Variants in CDH5 observed in about 807,000 individuals in gnomAD.
CDH5 encodes the protein cadherin-5.
Under a neutral mutation model 62.0 loss-of-function variants are expected in CDH5, and 28 were observed. The ratio of observed to expected loss-of-function variants is 0.45; its 90% CI spans 0.33 to 0.62. CDH5 has a LOEUF of 0.62. CDH5 is among the 20% of genes least tolerant of loss of function. The pLI is 0.02. For synonymous variants in CDH5, 464 were observed against 445.8 expected, an observed-to-expected ratio of 1.04 and a Z score of -0.52; for missense variants, 940 against 1,065.1, an observed-to-expected ratio of 0.88 and a Z score of 1.63.
intron 7 of CDH5, chr16:66,393,091 A>G (rs1196168189): frequency 3.9e-5 from 6 of 152,282 alleles, no homozygotes; most frequent in Admixed American, 3.3e-4. Context: ...TTTTAGAGCC[A>G]TATAATATGC....
intron 1 of CDH5, among the ~76,000 whole-genome samples, chr16:66,368,344 G>A (rs1355696997): frequency 6.6e-6 from 1 of 152,148 alleles, no homozygotes; most frequent in African/African-American, 2.4e-5. Context: ...GAGCCCCTGA[G>A]CAGCCCTACC....
intron 1 of CDH5, among the ~76,000 whole-genome samples, chr16:66,374,691 CTTTT>C (rs749896456): frequency 1.5e-5 from 2 of 129,148 alleles, no homozygotes; most frequent in Admixed American, 7.8e-5. Flanking sequence ...AGCCGTGCAT[CTTTT>C]TTTTTTTTTT....
At chr16:66,393,624 T>G (rs911445361) in intron 7 of CDH5, among the ~76,000 whole-genome samples, 2 of 152,210 alleles carry the variant, frequency 1.3e-5, no homozygotes, top group African/African-American at 4.8e-5. Context: ...ACACTGGGGA[T>G]TACATTTCAA....
intron 1 of CDH5, among the ~76,000 whole-genome samples, chr16:66,369,239 T>G (rs1231968984): frequency 6.6e-6 from 1 of 152,118 alleles, no homozygotes; most frequent in Non-Finnish European, 1.5e-5. Context: ...GAGATTTCCT[T>G]CTGCAGAGGA....
chr16:66,386,747 TCACA>T, intron 2 of CDH5, 58 bp from the exon 3 acceptor site: 1 of 1,428,510 alleles, frequency 7.0e-7, no homozygotes, highest in Non-Finnish European at 9.6e-7. Flanking sequence ...ACACTCTCAC[TCACA>T]CACTCACACA....
At chr16:66,384,155 G>A (rs1960944103) in intron 2 of CDH5, among the ~76,000 whole-genome samples, 1 of 142,452 alleles carries the variant, frequency 7.0e-6, no homozygotes, top group Admixed American at 7.3e-5. Flanking sequence ...CGTGATCTTG[G>A]CTCACTGCAA....
intron 1 of CDH5, among the ~76,000 whole-genome samples, chr16:66,378,698 C>T (rs573213985): frequency 6.6e-6 from 1 of 152,308 alleles, no homozygotes; most frequent in Admixed American, 6.5e-5. Flanking sequence ...CCCACAGGCC[C>T]TCCTCTGGGC....
intron 1 of CDH5, among the ~76,000 whole-genome samples, chr16:66,372,580 C>G (rs1292508852): frequency 6.6e-6 from 1 of 152,212 alleles, no homozygotes; most frequent in Non-Finnish European, 1.5e-5. Flanking sequence ...GAGCCCCAAC[C>G]TTTTCTCAGG....
At chr16:66,390,332 T>G (rs2304527) in intron 5 of CDH5, 71 bp from the exon 6 acceptor site, 382,482 of 1,129,836 alleles carry the variant, frequency 0.34, 66,238 homozygotes, top group African/African-American at 0.41. Flanking sequence ...TATGTTAGAA[T>G]AGCTGAAAGA....
At chr16:66,381,907 C>T (rs1434480750) in intron 2 of CDH5, among the ~76,000 whole-genome samples, 1 of 152,246 alleles carries the variant, frequency 6.6e-6, no homozygotes, top group Non-Finnish European at 1.5e-5. Flanking sequence ...TTGCTCCCTG[C>T]CCTTTACAGA....
chr16:66,369,994 T>C (rs1960656414), intron 1 of CDH5, among the ~76,000 whole-genome samples: 1 of 151,936 alleles, frequency 6.6e-6, no homozygotes, highest in South Asian at 2.1e-4. Context: ...GTTTGTTTGT[T>C]TGTTTGTTTG....
Position 66,390,447 on chromosome 16 carries a change from T to C in CDH5, c.826T>C (p.Ser276Pro), listed in dbSNP as rs1325939585. Residue 276 changes from serine to proline, a missense_variant, in exon 6 of 12, where the codon TCT becomes CCT. Physicochemically the swap from Ser to Pro is moderately conservative, Grantham distance 74. Transcript: ENST00000341529. Reference sequence around the variant, plus strand: ...GCCTGAAGACACCCGTGTGGGCACCTCTGTGGGCTCTCTGTTTGTTGAGGA... The same window carrying C: ...GCCTGAAGACACCCGTGTGGGCACCCCTGTGGGCTCTCTGTTTGTTGAGGA... ...VVPEDTRVGT[S>P]VGSLFVEDPD... 6.2e-7 allele frequency: 1 copy of C among 1,614,018 alleles called. No individual in the cohort carries two copies. Among genetic ancestry groups the C allele is most frequent in the African/African-American group, 1.3e-5 (1 of 74,902 alleles).
At chr16:66,400,239 C>T (rs1034083565) in intron 10 of CDH5, among the ~76,000 whole-genome samples, 8 of 152,160 alleles carry the variant, frequency 5.3e-5, no homozygotes, top group African/African-American at 1.2e-4. Context: ...CTGGGAAACC[C>T]GCAATTCTAT....
intron 2 of CDH5, among the ~76,000 whole-genome samples, chr16:66,381,456 A>C (rs72786453): frequency 0.12 from 17,523 of 152,304 alleles, 1,148 homozygotes; most frequent in Middle Eastern, 0.23. Flanking sequence ...TGGCCCTAGT[A>C]GTGGAATTTC....
At chr16:66,392,800 C>CGACG in intron 7 of CDH5, 1 of 183,044 alleles carries the variant, frequency 5.5e-6, no homozygotes, top group East Asian at 1.5e-4. Flanking sequence ...TACAGTGAAA[C>CGACG]AACACAGAGA....
intron 1 of CDH5, chr16:66,377,063 G>C (rs1394803025): frequency 6.6e-6 from 1 of 152,242 alleles, no homozygotes; most frequent in Non-Finnish European, 1.5e-5. Context: ...CTCACTTGAG[G>C]CAGGAAGAAA....
intron 11 of CDH5, among the ~76,000 whole-genome samples, chr16:66,402,444 G>A (rs1358281647): frequency 7.9e-6 from 1 of 126,848 alleles, no homozygotes; most frequent in Non-Finnish European, 1.7e-5. Flanking sequence ...GGGATGGCGG[G>A]GATGGGGGTA....
chr16:66,396,665 T>C (rs2142339121), intron 8 of CDH5, among the ~76,000 whole-genome samples: 1 of 152,330 alleles, frequency 6.6e-6, no homozygotes, highest in South Asian at 2.1e-4. Context: ...AGTTAATAGG[T>C]AGAATTCAAA....
rs1265902644 is a variant in CDH5, at chr16:66,402,689, G to A, written c.1875G>A (p.Arg625=). ...TLLIFLRRRL[R]KQARAHGKSV... ...TCATCTTCCTGCGGCGGCGGCTCCG[G>A]AAGCAGGCCCGCGCGCACGGCAAGA... The change falls in exon 12 of 12, where the codon CGG becomes CGA. Residue 625 remains arginine (R), a synonymous_variant. Transcript: ENST00000341529. The A allele has an allele frequency of 6.2e-7, 1 of 1,606,318 alleles. No individual in the cohort carries two copies. The highest frequency in any genetic ancestry group is 1.7e-5 in the Admixed American group (1 of 59,418).
Sources: allele counts gnomAD v4.1 joint callset (sites outside exome capture counted in the v4.1 genomes callset), GRCh38; gene constraint gnomAD v4.1.1; transcripts MANE v1.5; gene names NCBI Gene and HGNC (gene_info 2026-07-23, HGNC 2026-07-21).